The following ZNF385B variants were observed in gnomAD, a reference collection of about 807,000 sequenced individuals.
ZNF385B encodes zinc finger protein 385B.
ZNF385B carries 23 observed loss-of-function variants against 39.2 expected under a neutral mutation model. The observed-to-expected ratio is 0.59, with a 90% CI of 0.42 to 0.83. The LOEUF is 0.83. ZNF385B is among the 40% of genes least tolerant of loss of function. ZNF385B has a pLI of 0.00. For synonymous variants in ZNF385B, 205 were observed against 222.6 expected (o/e 0.92, Z 0.70); for missense variants, 552 against 598.9 (o/e 0.92, Z 0.82).
chr2:179,540,881 G>A (rs932740088), intron 4 of ZNF385B, among the ~76,000 whole-genome samples: 5 of 152,198 alleles, frequency 3.3e-5, no homozygotes, highest in African/African-American at 9.7e-5. Context: ...CTGGGAAGGA[G>A]GTGATATCTA....
intron 3 of ZNF385B, among the ~76,000 whole-genome samples, chr2:179,705,671 G>C (rs944016216): frequency 6.6e-5 from 10 of 152,162 alleles, no homozygotes; most frequent in African/African-American, 2.4e-4. Flanking sequence ...CTCAGTAAGA[G>C]AAATGAAGAA....
chr2:179,711,390 T>C (rs1462523092), intron 3 of ZNF385B, among the ~76,000 whole-genome samples: 1 of 152,188 alleles, frequency 6.6e-6, no homozygotes, highest in Non-Finnish European at 1.5e-5. Context: ...ACTGCAATGC[T>C]CCTCTTTATA....
At chr2:179,698,584 T>A (rs565576476) in intron 3 of ZNF385B, among the ~76,000 whole-genome samples, 1 of 152,316 alleles carries the variant, frequency 6.6e-6, no homozygotes, top group Non-Finnish European at 1.5e-5. Context: ...TAGAAATGAA[T>A]GTTACATATT....
At chr2:179,563,205 C>T (rs1054265554) in intron 3 of ZNF385B, among the ~76,000 whole-genome samples, 1 of 152,014 alleles carries the variant, frequency 6.6e-6, no homozygotes, top group African/African-American at 2.4e-5. Context: ...TTTATTATTG[C>T]TCTCATATCT....
chr2:179,587,374 G>A (rs1000566736), intron 3 of ZNF385B, among the ~76,000 whole-genome samples: 1 of 152,154 alleles, frequency 6.6e-6, no homozygotes, highest in Non-Finnish European at 1.5e-5. Flanking sequence ...AGAATTATGT[G>A]ACTAAGTGGC....
chr2:179,827,859 G>T (rs1165797351), intron 1 of ZNF385B, among the ~76,000 whole-genome samples: 6 of 152,088 alleles, frequency 3.9e-5, no homozygotes, highest in Non-Finnish European at 8.8e-5. Context: ...GCCTTCTCAT[G>T]CCCCCTTATA....
intron 1 of ZNF385B, among the ~76,000 whole-genome samples, chr2:179,851,630 A>G (rs913015553): frequency 1.3e-5 from 2 of 152,206 alleles, no homozygotes; most frequent in Non-Finnish European, 2.9e-5. Flanking sequence ...ATGATAGAAC[A>G]CTATTGCTGG....
At chr2:179,847,979 A>G (rs926038783) in intron 1 of ZNF385B, among the ~76,000 whole-genome samples, 1 of 152,224 alleles carries the variant, frequency 6.6e-6, no homozygotes, top group African/African-American at 2.4e-5. Context: ...CAGAGGGTCC[A>G]TGGTGGAACA....
At chr2:179,553,741 A>G (rs2105934121) in intron 3 of ZNF385B, among the ~76,000 whole-genome samples, 1 of 149,514 alleles carries the variant, frequency 6.7e-6, no homozygotes, top group South Asian at 2.1e-4. Context: ...TGTTGCTTCA[A>G]CAAAGCTTAA....
intron 5 of ZNF385B, among the ~76,000 whole-genome samples, chr2:179,487,682 A>G (rs866996920): frequency 3.3e-5 from 5 of 152,162 alleles, no homozygotes; most frequent in African/African-American, 4.8e-5. Context: ...TTTATACCCA[A>G]TGAGTAATTA....
intron 3 of ZNF385B, among the ~76,000 whole-genome samples, chr2:179,747,183 A>G (rs1043337897): frequency 6.6e-6 from 1 of 152,128 alleles, no homozygotes; most frequent in South Asian, 2.1e-4. Flanking sequence ...GTGTAAAACT[A>G]AGCAGCACAC....
chr2:179,778,962 GC>G (rs1704509646), intron 1 of ZNF385B, among the ~76,000 whole-genome samples: 1 of 152,102 alleles, frequency 6.6e-6, no homozygotes, highest in Admixed American at 6.5e-5. Context: ...TTTTAAACAT[GC>G]ATATGATTTT....
intron 3 of ZNF385B, among the ~76,000 whole-genome samples, chr2:179,714,127 A>G (rs1013494436): frequency 6.6e-6 from 1 of 152,222 alleles, no homozygotes; most frequent in African/African-American, 2.4e-5. Context: ...GAACTGAGCT[A>G]CTTAGAAAGT....
At chr2:179,763,079 A>G (rs1350177959) in intron 3 of ZNF385B, among the ~76,000 whole-genome samples, 1 of 151,976 alleles carries the variant, frequency 6.6e-6, no homozygotes, top group African/African-American at 2.4e-5. Flanking sequence ...AAATTTTTGT[A>G]TTTTTAATAG....
At chr2:179,640,302 T>G (rs1275455682) in intron 3 of ZNF385B, among the ~76,000 whole-genome samples, 1 of 152,096 alleles carries the variant, frequency 6.6e-6, no homozygotes, top group East Asian at 1.9e-4. Context: ...TATTCCCAGG[T>G]ATTTTGCAGA....
At chr2:179,629,854 G>A (rs1691029748) in intron 3 of ZNF385B, among the ~76,000 whole-genome samples, 1 of 152,256 alleles carries the variant, frequency 6.6e-6, no homozygotes, top group Admixed American at 6.5e-5. Context: ...TGGCAGACAA[G>A]CAGATTCTCT....
chr2:179,852,594 G>A (rs17775913), intron 1 of ZNF385B, among the ~76,000 whole-genome samples: 7,910 of 152,206 alleles, frequency 0.052, 291 homozygotes, highest in Non-Finnish European at 0.075. Context: ...GAAACTCATC[G>A]TGGACTAAAA....
intron 3 of ZNF385B, among the ~76,000 whole-genome samples, chr2:179,644,327 C>T (rs1373261908): frequency 6.8e-6 from 1 of 148,138 alleles, no homozygotes; most frequent in African/African-American, 2.4e-5. Context: ...CCAATTATCT[C>T]ATTTAAACCT....
intron 3 of ZNF385B, among the ~76,000 whole-genome samples, chr2:179,636,249 C>T (rs889691470): frequency 6.6e-6 from 1 of 152,174 alleles, no homozygotes; most frequent in African/African-American, 2.4e-5. Flanking sequence ...CTGTAGAGTA[C>T]ATTCATAATA....
Sources: allele counts gnomAD v4.1 joint callset (sites outside exome capture counted in the v4.1 genomes callset), GRCh38; gene constraint gnomAD v4.1.1; transcripts MANE v1.5; gene names NCBI Gene and HGNC (gene_info 2026-07-23, HGNC 2026-07-21).